ZNF385D: variants seen among roughly 807,000 people sequenced by gnomAD.
ZNF385D encodes zinc finger protein 659.
Under a neutral mutation model 35.8 loss-of-function variants are expected in ZNF385D, and 15 were observed. The ratio of observed to expected loss-of-function variants is 0.42; its 90% CI spans 0.28 to 0.64. ZNF385D has a LOEUF of 0.64. Among genes scored for constraint, ZNF385D ranks in the 30% least tolerant of loss-of-function variants. ZNF385D has a pLI of 0.23. For synonymous variants in ZNF385D, 212 were observed against 186.8 expected, an observed-to-expected ratio of 1.13 and a Z score of -1.10; for missense variants, 474 against 494.6, an observed-to-expected ratio of 0.96 and a Z score of 0.39.
intron 3 of ZNF385D, among the ~76,000 whole-genome samples, chr3:22,065,984 A>G (rs2125551348): frequency 6.6e-6 from 1 of 152,244 alleles, no homozygotes; most frequent in African/African-American, 2.4e-5. Flanking sequence ...CCACCTAAGG[A>G]TTATTTATTC....
chr3:22,013,280 G>T (rs927260507), intron 3 of ZNF385D, among the ~76,000 whole-genome samples: 4 of 152,090 alleles, frequency 2.6e-5, no homozygotes, highest in South Asian at 2.1e-4. Flanking sequence ...AATAGTCCAG[G>T]TTATTATACA....
intron 3 of ZNF385D, among the ~76,000 whole-genome samples, chr3:22,023,085 G>A (rs977303918): frequency 3.9e-5 from 6 of 152,160 alleles, no homozygotes; most frequent in African/African-American, 1.4e-4. Flanking sequence ...CCTCCCTGAG[G>A]TCTTTTCTTA....
chr3:22,157,544 A>G (rs1705673324), intron 3 of ZNF385D, among the ~76,000 whole-genome samples: 1 of 152,108 alleles, frequency 6.6e-6, no homozygotes, highest in Non-Finnish European at 1.5e-5. Flanking sequence ...GGAAGTGTTT[A>G]TTAAGTATTT....
At chr3:21,818,729 G>T (rs534599254) in intron 3 of ZNF385D, among the ~76,000 whole-genome samples, 1 of 152,170 alleles carries the variant, frequency 6.6e-6, no homozygotes, top group South Asian at 2.1e-4. Context: ...TAGGTCATAT[G>T]TTGATAATTG....
chr3:22,307,226 G>T (rs962888494), intron 2 of ZNF385D, among the ~76,000 whole-genome samples: 2 of 152,118 alleles, frequency 1.3e-5, no homozygotes, highest in Admixed American at 1.3e-4. Flanking sequence ...AAGTGTTTGA[G>T]AGTCAGTTTA....
intron 3 of ZNF385D, among the ~76,000 whole-genome samples, chr3:21,922,392 T>C (rs1700512863): frequency 6.6e-6 from 1 of 152,142 alleles, no homozygotes; most frequent in African/African-American, 2.4e-5. Context: ...CAAACTATAC[T>C]ATAAAGCTAC....
At chr3:21,484,753 T>G (rs2125388727) in intron 4 of ZNF385D, among the ~76,000 whole-genome samples, 1 of 152,192 alleles carries the variant, frequency 6.6e-6, no homozygotes, top group East Asian at 1.9e-4. Flanking sequence ...TCTCCTGGAA[T>G]ACAGTGGGTA....
At chr3:22,188,031 A>G (rs778744312) in intron 2 of ZNF385D, among the ~76,000 whole-genome samples, 1 of 152,224 alleles carries the variant, frequency 6.6e-6, no homozygotes, top group Non-Finnish European at 1.5e-5. Context: ...AGCTGCAGTC[A>G]ATAACCTAAA....
intron 2 of ZNF385D, among the ~76,000 whole-genome samples, chr3:22,237,507 A>C (rs1198080148): frequency 6.6e-6 from 1 of 152,164 alleles, no homozygotes; most frequent in African/African-American, 2.4e-5. Flanking sequence ...ATTTTTATGT[A>C]GTCCAATTTA....
At chr3:21,785,426 C>G (rs1243496492) in intron 3 of ZNF385D, among the ~76,000 whole-genome samples, 2 of 151,946 alleles carry the variant, frequency 1.3e-5, no homozygotes, top group Non-Finnish European at 2.9e-5. Flanking sequence ...ATGTTCTCAC[C>G]AAATATTTGC....
At position 21,417,521 on chromosome 3, in the gene ZNF385D, C is replaced by G. The variant is rs79929651; in HGVS notation, c.*3693G>C. On this transcript the variant is annotated 3_prime_UTR_variant, in exon 8 of 8. Coordinates refer to ENST00000281523, the MANE Select transcript of ZNF385D (RefSeq NM_024697.3). ...CAGGCCTATATACCACTTCAGTTAC[C>G]TTTTAGCTTTCTGATCTGATTTCTT... 5 of 152,058 alleles carry G rather than the reference C, an allele frequency of 3.3e-5. No individual in the cohort carries two copies. The highest frequency in any genetic ancestry group is 3.9e-4 in the East Asian group (2 of 5,190). 9.4% of individuals were successfully genotyped at this position (152,058 alleles called of 1,614,324 possible).
intron 3 of ZNF385D, among the ~76,000 whole-genome samples, chr3:22,126,401 A>G (rs746730317): frequency 1.5e-5 from 2 of 131,130 alleles, no homozygotes; most frequent in African/African-American, 2.9e-5. Context: ...TTGTGTTTCC[A>G]TTTTCATTTA....
chr3:22,147,942 A>G (rs536844113), intron 3 of ZNF385D, among the ~76,000 whole-genome samples: 4 of 152,214 alleles, frequency 2.6e-5, no homozygotes, highest in Non-Finnish European at 4.4e-5. Context: ...AAGTCGATCT[A>G]AAGTATGAGG....
intron 2 of ZNF385D, among the ~76,000 whole-genome samples, chr3:22,323,402 A>T (rs1694536317): frequency 6.6e-6 from 1 of 152,206 alleles, no homozygotes; most frequent in South Asian, 2.1e-4. Context: ...GGAATGGAGC[A>T]GAAAGGGGGA....
chr3:21,565,355 A>AATG lies in ZNF385D; in HGVS notation c.166-674_166-672dup, dbSNP rs531985143. Among the ~76,000 whole-genome samples, 84 of 152,218 alleles carry AATG rather than the reference A, an allele frequency of 5.5e-4. 3 individuals carry two copies. The South Asian group carries it at 0.015, about 26-fold the overall frequency. On this transcript the variant is annotated intron_variant, in intron 2 of 7. Transcript: ENST00000281523. ...ACAGGACAAACAACAAGAAAAACATAATGTCAGCAATCCAGCTCTGATAAA... is the reference window on the plus strand; with the variant it reads ...ACAGGACAAACAACAAGAAAAACATAATGATGTCAGCAATCCAGCTCTGATAAA...
intron 4 of ZNF385D, among the ~76,000 whole-genome samples, chr3:21,445,433 T>C (rs1702094564): frequency 6.6e-6 from 1 of 152,192 alleles, no homozygotes; most frequent in Non-Finnish European, 1.5e-5. Flanking sequence ...GTATTATTAC[T>C]TTTTTTCTCT....
intron 7 of ZNF385D, among the ~76,000 whole-genome samples, chr3:21,422,447 T>A (rs1700786760): frequency 6.6e-6 from 1 of 152,178 alleles, no homozygotes; most frequent in South Asian, 2.1e-4. Context: ...TACAGATTAT[T>A]TCATCTCCCA....
At chr3:21,648,137 G>A (rs2065806860) in intron 2 of ZNF385D, among the ~76,000 whole-genome samples, 1 of 152,084 alleles carries the variant, frequency 6.6e-6, no homozygotes, top group Admixed American at 6.5e-5. Context: ...CCAATAATCT[G>A]CACGTGTCAA....
At chr3:22,132,348 A>C (rs1375103774) in intron 3 of ZNF385D, among the ~76,000 whole-genome samples, 2 of 152,282 alleles carry the variant, frequency 1.3e-5, no homozygotes, top group East Asian at 3.9e-4. Flanking sequence ...CTGGTGTTCT[A>C]ATTTTGGACT....
Sources: gnomAD v4.1 joint callset for allele counts (sites outside exome capture counted in the v4.1 genomes callset) on GRCh38, gnomAD v4.1.1 for gene constraint, MANE v1.5 for transcripts, NCBI Gene and HGNC (gene_info 2026-07-23, HGNC 2026-07-21) for gene names.